KAZN: variants seen among roughly 807,000 people sequenced by gnomAD.
KAZN encodes the protein kazrin, periplakin interacting protein, also known as kazrin.
KAZN carries 40 observed loss-of-function variants against 87.4 expected under a neutral mutation model. The observed-to-expected ratio is 0.46, with a 90% CI of 0.36 to 0.60. The LOEUF (loss-of-function observed/expected upper bound fraction) is 0.60, where lower values mean the gene tolerates loss of function less well. KAZN is among the 20% of genes least tolerant of loss of function. The pLI is 0.00. For missense variants in KAZN, 898 were observed against 1,073.9 expected, an observed-to-expected ratio of 0.84 and a Z score of 2.29; for synonymous variants, 466 against 458.3, an observed-to-expected ratio of 1.02 and a Z score of -0.22.
At chr1:14,783,454 G>A (rs1448818334) in intron 1 of KAZN, among the ~76,000 whole-genome samples, 1 of 151,992 alleles carries the variant, frequency 6.6e-6, no homozygotes, top group Non-Finnish European at 1.5e-5. Flanking sequence ...CTTCTCTTCT[G>A]CAAAACCAGG....
chr1:14,849,570 C>T (rs1459067458), intron 1 of KAZN, among the ~76,000 whole-genome samples: 1 of 152,060 alleles, frequency 6.6e-6, no homozygotes, highest in African/African-American at 2.4e-5. Context: ...AGTTTTGTAA[C>T]CAGAGAATAT....
At chr1:13,938,530 A>T (rs1237189914) in intron 1 of KAZN, among the ~76,000 whole-genome samples, 1 of 152,076 alleles carries the variant, frequency 6.6e-6, no homozygotes, top group East Asian at 1.9e-4. Context: ...TATTTATTTC[A>T]TTCCTGATTT....
intron 2 of KAZN, among the ~76,000 whole-genome samples, chr1:14,196,182 A>G (rs1347214115): frequency 1.3e-5 from 2 of 152,222 alleles, no homozygotes; most frequent in Non-Finnish European, 2.9e-5. Flanking sequence ...TGAGAGTTCC[A>G]GAGAATAAAT....
At chr1:14,546,341 CTT>C (rs1673141591) in intron 2 of KAZN, among the ~76,000 whole-genome samples, 1 of 152,196 alleles carries the variant, frequency 6.6e-6, no homozygotes, top group Admixed American at 6.5e-5. Flanking sequence ...AAATTTCTCT[CTT>C]TTTCTTCCAA....
At chr1:14,689,166 G>A (rs1641134492) in intron 1 of KAZN, among the ~76,000 whole-genome samples, 1 of 152,128 alleles carries the variant, frequency 6.6e-6, no homozygotes, top group Admixed American at 6.5e-5. Flanking sequence ...CTGCACTCCA[G>A]CCTGGGCGAC....
At chr1:14,590,866 C>CA (rs1391542117) in intron 2 of KAZN, among the ~76,000 whole-genome samples, 1 of 152,170 alleles carries the variant, frequency 6.6e-6, no homozygotes, top group African/African-American at 2.4e-5. Flanking sequence ...AGACAGTAAG[C>CA]AACTCATCGA....
intron 1 of KAZN, among the ~76,000 whole-genome samples, chr1:14,086,886 T>TTCTGTGTTGTTCTGTGTA (rs1210693853): frequency 6.6e-6 from 1 of 152,238 alleles, no homozygotes; most frequent in East Asian, 1.9e-4. Context: ...TTGTAGACAC[T>TTCTGTGTTGTTCTGTGTA]GTCTTCTGTG....
At chr1:14,986,653 A>G (rs940365756) in intron 2 of KAZN, among the ~76,000 whole-genome samples, 2 of 152,142 alleles carry the variant, frequency 1.3e-5, no homozygotes, top group Non-Finnish European at 2.9e-5. Context: ...GAGGCTCAAA[A>G]GAACCAAAAG....
rs910840440 is a variant in KAZN at position 15,103,354 on chromosome 1, A to G, written c.1780-5A>G. 1 of 1,550,454 alleles carries G rather than the reference A, an allele frequency of 6.4e-7. No individual in the cohort carries two copies. The highest frequency in any genetic ancestry group is 2.4e-5 in the East Asian group (1 of 40,886). On this transcript the variant is annotated splice_region_variant and splice_polypyrimidine_tract_variant and intron_variant, in intron 11 of 14. Transcript: ENST00000376030. ...CCTCCGAATGACCCACTGTCTCCCCACAAGGCCCTCCAGGAGCGCCGGGCC... is the reference window on the plus strand; with the variant it reads ...CCTCCGAATGACCCACTGTCTCCCCGCAAGGCCCTCCAGGAGCGCCGGGCC...
chr1:14,579,976 G>A (rs983401649), intron 2 of KAZN, among the ~76,000 whole-genome samples: 1 of 152,088 alleles, frequency 6.6e-6, no homozygotes, highest in Non-Finnish European at 1.5e-5. Flanking sequence ...CAAGTGGGAG[G>A]GGGGTTGGGG....
chr1:14,990,744 A>G (rs1667270230), intron 2 of KAZN, among the ~76,000 whole-genome samples: 1 of 151,786 alleles, frequency 6.6e-6, no homozygotes, highest in Non-Finnish European at 1.5e-5. Flanking sequence ...TCTGCCTGTT[A>G]TATGTTGTTA....
chr1:13,914,528 C>T (rs546241264), intron 1 of KAZN, among the ~76,000 whole-genome samples: 17 of 152,228 alleles, frequency 1.1e-4, no homozygotes, highest in Non-Finnish European at 1.5e-4. Flanking sequence ...TTATGTTATA[C>T]GGCCCTTATA....
At chr1:14,731,485 CT>C (rs1183091376) in intron 1 of KAZN, among the ~76,000 whole-genome samples, 11 of 152,206 alleles carry the variant, frequency 7.2e-5, no homozygotes, top group African/African-American at 2.7e-4. Context: ...CCCCTCCTCT[CT>C]TTTTCTCCCA....
At chr1:14,552,714 C>T (rs1473819073) in intron 2 of KAZN, among the ~76,000 whole-genome samples, 1 of 152,206 alleles carries the variant, frequency 6.6e-6, no homozygotes, top group Admixed American at 6.5e-5. Context: ...GGCAAAAGAG[C>T]ACAATAGTAA....
At chr1:14,283,501 G>A (rs112829775) in intron 2 of KAZN, among the ~76,000 whole-genome samples, 1,544 of 152,228 alleles carry the variant, frequency 0.01, 25 homozygotes, top group African/African-American at 0.035. Context: ...GCTCAACATC[G>A]TTAACTATCA....
chr1:14,313,380 A>G (rs1655439093), intron 2 of KAZN, among the ~76,000 whole-genome samples: 1 of 152,152 alleles, frequency 6.6e-6, no homozygotes, highest in Admixed American at 6.5e-5. Context: ...AGCTTCATCA[A>G]TGGAATGAGT....
chr1:14,682,045 G>A (rs55672905), intron 1 of KAZN, among the ~76,000 whole-genome samples: 4,014 of 151,918 alleles, frequency 0.026, 95 homozygotes, highest in Non-Finnish European at 0.042. Flanking sequence ...ACATTGTTGC[G>A]CAACCATCAT....
chr1:14,246,031 G>C (rs1218403175), intron 2 of KAZN, among the ~76,000 whole-genome samples: 1 of 152,092 alleles, frequency 6.6e-6, no homozygotes, highest in Non-Finnish European at 1.5e-5. Flanking sequence ...TTCTTTGCAG[G>C]GGCATGGATA....
intron 1 of KAZN, among the ~76,000 whole-genome samples, chr1:13,932,008 A>ATTTTTTTTTT (rs35231877): frequency 4.9e-5 from 6 of 122,890 alleles, no homozygotes; most frequent in Admixed American, 8.5e-5. Flanking sequence ...GGCTTGGCTA[A>ATTTTTTTTTT]TTTTTTTTTT....
Sources: gnomAD v4.1 joint callset for allele counts (sites outside exome capture counted in the v4.1 genomes callset) on GRCh38, gnomAD v4.1.1 for gene constraint, MANE v1.5 for transcripts, NCBI Gene and HGNC (gene_info 2026-07-23, HGNC 2026-07-21) for gene names.